Variants in SCHIP1 observed in about 807,000 individuals in gnomAD.
SCHIP1 encodes schwannomin interacting protein 1.
A neutral mutation model predicts 29.7 loss-of-function variants in SCHIP1; 8 were observed. The observed-to-expected ratio is 0.27, with a 90% CI of 0.16 to 0.49. SCHIP1 has a LOEUF of 0.49. Ranked by LOEUF, SCHIP1 falls within the 20% of genes least tolerant of loss-of-function variation. The pLI, the probability that SCHIP1 is intolerant of heterozygous loss-of-function variation, is 0.99. For synonymous variants in SCHIP1, 76 were observed against 94.9 expected, an observed-to-expected ratio of 0.80 and a Z score of 1.16; for missense variants, 193 against 294.6, an observed-to-expected ratio of 0.66 and a Z score of 2.52.
the SCHIP1 span, among the ~76,000 whole-genome samples, chr3:159,585,312 C>A: frequency 6.6e-6 from 1 of 152,112 alleles, no homozygotes; most frequent in Non-Finnish European, 1.5e-5. Flanking sequence ...TGAATGAATA[C>A]TCAAAGGAAT....
the SCHIP1 span, among the ~76,000 whole-genome samples, chr3:159,824,407 G>T: frequency 2.6e-5 from 4 of 152,164 alleles, no homozygotes; most frequent in Non-Finnish European, 5.9e-5. Flanking sequence ...TACCAGACTG[G>T]ATCGTCATTT....
chr3:159,445,973 G>A, the SCHIP1 span, among the ~76,000 whole-genome samples: 9 of 150,906 alleles, frequency 6.0e-5, no homozygotes, highest in Non-Finnish European at 1.0e-4. Context: ...ACATGTATAC[G>A]TATGTAACTA....
At chr3:159,629,937 G>A in the SCHIP1 span, among the ~76,000 whole-genome samples, 1 of 152,162 alleles carries the variant, frequency 6.6e-6, no homozygotes, top group Non-Finnish European at 1.5e-5. Flanking sequence ...ACTATTATAA[G>A]TGGCGGAACA....
chr3:159,695,666 TA>T, the SCHIP1 span, among the ~76,000 whole-genome samples: 64 of 152,272 alleles, frequency 4.2e-4, 1 homozygote, highest in Non-Finnish European at 7.9e-4. Flanking sequence ...ACATACTGGT[TA>T]AAAAAACTTT....
At chr3:159,512,763 G>A in the SCHIP1 span, among the ~76,000 whole-genome samples, 1 of 152,124 alleles carries the variant, frequency 6.6e-6, no homozygotes, top group Non-Finnish European at 1.5e-5. Flanking sequence ...ATCGACTATA[G>A]TCACCCTGCT....
intron 5 of SCHIP1, among the ~76,000 whole-genome samples, chr3:159,890,213 G>A (rs1717367810): frequency 6.6e-6 from 1 of 152,178 alleles, no homozygotes; most frequent in South Asian, 2.1e-4. Flanking sequence ...TCCAGTAGAA[G>A]TCGGAGAGAG....
chr3:159,311,098 C>A, the SCHIP1 span, among the ~76,000 whole-genome samples: 1 of 152,112 alleles, frequency 6.6e-6, no homozygotes, highest in Non-Finnish European at 1.5e-5. Flanking sequence ...AGGGAAGTTT[C>A]TTCTCTGCAA....
chr3:159,312,883 G>A, the SCHIP1 span, among the ~76,000 whole-genome samples: 15 of 152,182 alleles, frequency 9.9e-5, 1 homozygote, highest in Admixed American at 2.0e-4. Context: ...TTTTTCAACA[G>A]GGAAAAACAG....
At chr3:159,750,760 G>A in the SCHIP1 span, among the ~76,000 whole-genome samples, 1 of 152,100 alleles carries the variant, frequency 6.6e-6, no homozygotes, top group African/African-American at 2.4e-5. Context: ...GGCAGTGGGT[G>A]GAGGGAGACA....
chr3:159,560,473 C>T, the SCHIP1 span, among the ~76,000 whole-genome samples: 5 of 152,150 alleles, frequency 3.3e-5, no homozygotes, highest in East Asian at 3.9e-4. Context: ...ATGTCCAACA[C>T]GTGATCTTTG....
the SCHIP1 span, among the ~76,000 whole-genome samples, chr3:159,757,320 T>G: frequency 6.6e-6 from 1 of 152,278 alleles, no homozygotes; most frequent in Admixed American, 6.5e-5. Flanking sequence ...AAAAGAGACC[T>G]TGTGCAGAGA....
the SCHIP1 span, among the ~76,000 whole-genome samples, chr3:159,467,085 G>A: frequency 6.6e-6 from 1 of 151,972 alleles, no homozygotes; most frequent in Non-Finnish European, 1.5e-5. Context: ...AAGCCGTTCT[G>A]TACCTCTATC....
At chr3:159,854,893 C>T (rs1713139298) in intron 1 of SCHIP1, among the ~76,000 whole-genome samples, 1 of 152,156 alleles carries the variant, frequency 6.6e-6, no homozygotes, top group African/African-American at 2.4e-5. Context: ...AACCCAGATG[C>T]CTGGAATAAG....
At chr3:159,890,044 G>A (rs1717342426) in intron 5 of SCHIP1, among the ~76,000 whole-genome samples, 2 of 151,120 alleles carry the variant, frequency 1.3e-5, no homozygotes, top group Admixed American at 1.3e-4. Flanking sequence ...GCAGTGAGCC[G>A]AGATCTCGCC....
chr3:159,432,335 T>TGA, the SCHIP1 span, among the ~76,000 whole-genome samples: 369 of 85,824 alleles, frequency 4.3e-3, no homozygotes, highest in Non-Finnish European at 5.7e-3. Context: ...TGTGTGTGTG[T>TGA]GTGTGAGAGA....
chr3:159,653,874 A>G, the SCHIP1 span, among the ~76,000 whole-genome samples: 1 of 152,154 alleles, frequency 6.6e-6, no homozygotes, highest in Non-Finnish European at 1.5e-5. Flanking sequence ...ACAAATATTT[A>G]AGGTGATGGA....
chr3:159,438,201 C>T, the SCHIP1 span, among the ~76,000 whole-genome samples: 1 of 152,118 alleles, frequency 6.6e-6, no homozygotes. Flanking sequence ...GCAGATCTGT[C>T]TTATCGAAAT....
At chr3:159,427,154 C>T in the SCHIP1 span, among the ~76,000 whole-genome samples, 229 of 152,162 alleles carry the variant, frequency 1.5e-3, 1 homozygote, top group Non-Finnish European at 2.7e-3. Context: ...ACAGGATGCC[C>T]TCTCTCACCA....
the SCHIP1 span, among the ~76,000 whole-genome samples, chr3:159,397,112 T>G: frequency 6.6e-6 from 1 of 151,786 alleles, no homozygotes; most frequent in East Asian, 1.9e-4. Flanking sequence ...GTTGATCGCA[T>G]TGGCTCCTGA....
Sources: gnomAD v4.1 joint callset for allele counts (sites outside exome capture counted in the v4.1 genomes callset) on GRCh38, gnomAD v4.1.1 for gene constraint, MANE v1.5 for transcripts, NCBI Gene and HGNC (gene_info 2026-07-23, HGNC 2026-07-21) for gene names.